CTNNA3: variants seen among roughly 807,000 people sequenced by gnomAD.
The protein encoded by CTNNA3 is catenin alpha-3.
In CTNNA3, 76 loss-of-function variants were observed where a neutral mutation model predicts 95.7. The ratio of observed to expected loss-of-function variants is 0.79; its 90% CI spans 0.66 to 0.96. The LOEUF is 0.96. CTNNA3 is among the 40% of genes least tolerant of loss of function. CTNNA3 has a pLI of 0.00. For missense variants in CTNNA3, 1,191 were observed against 1,089.8 expected (o/e 1.09, Z -1.31); for synonymous variants, 431 against 374.4 (o/e 1.15, Z -1.74).
At chr10:67,612,971 G>A (rs1238491732) in intron 2 of CTNNA3, among the ~76,000 whole-genome samples, 13 of 152,160 alleles carry the variant, frequency 8.5e-5, no homozygotes, top group Non-Finnish European at 1.3e-4. Context: ...CACTAGAGCC[G>A]TCTCTTGAAA....
Position 66,458,212 on chromosome 10 carries a change from C to G in CTNNA3, c.1531+62405G>C, listed in dbSNP as rs143678946. ...TATAATCACACAAACTGTAAACAAT[C>G]CAAATGTCTTTCAACAGGTGTATGA... On this transcript the variant is annotated intron_variant, in intron 11 of 17. Transcript: ENST00000433211. Among the ~76,000 whole-genome samples, 154 of 152,194 alleles carry G rather than the reference C, an allele frequency of 1.0e-3. 1 individual carries two copies. Among genetic ancestry groups the G allele is most frequent in the African/African-American group, 3.4e-3 (140 of 41,536 alleles).
intron 7 of CTNNA3, among the ~76,000 whole-genome samples, chr10:66,845,528 A>AC (rs1843213404): frequency 6.6e-6 from 1 of 151,190 alleles, no homozygotes; most frequent in Non-Finnish European, 1.5e-5. Context: ...ACATGGAGAA[A>AC]CCCCATCTCT....
chr10:66,581,123 C>T (rs891948049), intron 10 of CTNNA3, among the ~76,000 whole-genome samples: 1 of 151,726 alleles, frequency 6.6e-6, no homozygotes, highest in Admixed American at 6.6e-5. Flanking sequence ...ACATACATCA[C>T]ATTTTCTTTA....
At chr10:66,824,246 G>C (rs1202799929) in intron 7 of CTNNA3, among the ~76,000 whole-genome samples, 2 of 152,092 alleles carry the variant, frequency 1.3e-5, no homozygotes, top group Non-Finnish European at 2.9e-5. Flanking sequence ...TGTCATTCCA[G>C]TGCACTAATC....
intron 9 of CTNNA3, among the ~76,000 whole-genome samples, chr10:66,691,180 G>T (rs997645216): frequency 6.6e-6 from 1 of 152,204 alleles, no homozygotes; most frequent in African/African-American, 2.4e-5. Flanking sequence ...GGAAGCGCAA[G>T]GGGTCAGGGA....
intron 7 of CTNNA3, among the ~76,000 whole-genome samples, chr10:67,148,437 A>G (rs546964211): frequency 6.6e-5 from 10 of 152,282 alleles, no homozygotes; most frequent in African/African-American, 2.4e-4. Flanking sequence ...TCATCTAGGT[A>G]CCTCACATAA....
At chr10:66,460,218 C>G (rs187089634) in intron 11 of CTNNA3, among the ~76,000 whole-genome samples, 15 of 152,268 alleles carry the variant, frequency 9.9e-5, no homozygotes, top group African/African-American at 3.1e-4. Context: ...AGCCTTCACT[C>G]ACACTCTTCT....
rs1248827088 is a variant in CTNNA3 at position 66,845,710 on chromosome 10, A to ATAAATAAATAAATAAATAAAT, written c.1048-70187_1048-70186insATTTATTTATTTATTTATTTA. On this transcript the variant is annotated intron_variant, in intron 7 of 17. Transcript: ENST00000433211. ...AACAGCAAAACTCTGTCTCAAAAAA[A>ATAAATAAATAAATAAATAAAT]AAAAAAAAAAAAAAAAAAACTAAAA... Among the ~76,000 whole-genome samples the ATAAATAAATAAATAAATAAAT allele has an allele frequency of 2.0e-4, 17 of 85,970 alleles. 2 individuals carry two copies. Among genetic ancestry groups the ATAAATAAATAAATAAATAAAT allele is most frequent in the African/African-American group, 5.2e-4 (10 of 19,212 alleles). The allele number at this position is 85,970 out of a possible 152,430, so 56.4% of individuals were successfully genotyped here.
intron 15 of CTNNA3, among the ~76,000 whole-genome samples, chr10:66,054,874 T>A (rs774568982): frequency 6.6e-6 from 1 of 152,142 alleles, no homozygotes; most frequent in Non-Finnish European, 1.5e-5. Context: ...TAGCTTTAAG[T>A]CTTTAATTCA....
At chr10:66,129,485 G>A (rs1461541355) in intron 13 of CTNNA3, among the ~76,000 whole-genome samples, 1 of 152,026 alleles carries the variant, frequency 6.6e-6, no homozygotes, top group Non-Finnish European at 1.5e-5. Context: ...GCATGGCCAG[G>A]GACACCCATC....
chr10:67,509,270 C>T (rs572578154), intron 5 of CTNNA3, among the ~76,000 whole-genome samples: 133 of 151,620 alleles, frequency 8.8e-4, no homozygotes, highest in Admixed American at 2.4e-3. Flanking sequence ...TATACATGTG[C>T]CATGTTGGTT....
chr10:66,233,410 A>C (rs2089690201), intron 13 of CTNNA3, among the ~76,000 whole-genome samples: 2 of 152,114 alleles, frequency 1.3e-5, no homozygotes, highest in South Asian at 2.1e-4. Flanking sequence ...GTAGAAGAAG[A>C]TATTCACATT....
At chr10:67,015,099 C>T (rs1420642349) in intron 7 of CTNNA3, among the ~76,000 whole-genome samples, 1 of 152,086 alleles carries the variant, frequency 6.6e-6, no homozygotes, top group Non-Finnish European at 1.5e-5. Context: ...TCTATTTCAA[C>T]ATTAGGTAGT....
intron 11 of CTNNA3, among the ~76,000 whole-genome samples, chr10:66,495,763 CT>C (rs1840079028): frequency 6.6e-6 from 1 of 152,148 alleles, no homozygotes; most frequent in African/African-American, 2.4e-5. Context: ...TCAAGTGATT[CT>C]CCTGCCTCAG....
chr10:66,878,593 TG>T (rs1380251860), intron 7 of CTNNA3, among the ~76,000 whole-genome samples: 1 of 152,148 alleles, frequency 6.6e-6, no homozygotes, highest in Non-Finnish European at 1.5e-5. Context: ...GCCCTCTGCC[TG>T]TCCATAGCCA....
At chr10:65,982,150 A>C (rs920432678) in intron 16 of CTNNA3, among the ~76,000 whole-genome samples, 1 of 151,802 alleles carries the variant, frequency 6.6e-6, no homozygotes, top group Admixed American at 6.6e-5. Flanking sequence ...ACAAATCAGC[A>C]AGAAAAAAAA....
intron 1 of CTNNA3, among the ~76,000 whole-genome samples, chr10:67,724,793 C>A (rs889325869): frequency 1.3e-5 from 2 of 152,134 alleles, no homozygotes; most frequent in African/African-American, 2.4e-5. Flanking sequence ...GGTGCTGTGG[C>A]ATAAATTTGC....
intron 7 of CTNNA3, among the ~76,000 whole-genome samples, chr10:66,947,437 G>T (rs1385477388): frequency 6.6e-6 from 1 of 152,114 alleles, no homozygotes; most frequent in African/African-American, 2.4e-5. Context: ...TGGGGAAAGG[G>T]GAATGGTTCT....
chr10:66,848,231 G>C (rs1164466711), intron 7 of CTNNA3, among the ~76,000 whole-genome samples: 1 of 152,172 alleles, frequency 6.6e-6, no homozygotes, highest in African/African-American at 2.4e-5. Context: ...ATCATATATA[G>C]GCAAGATTTT....
Sources: gnomAD v4.1 joint callset for allele counts (sites outside exome capture counted in the v4.1 genomes callset) on GRCh38, gnomAD v4.1.1 for gene constraint, MANE v1.5 for transcripts, NCBI Gene and HGNC (gene_info 2026-07-23, HGNC 2026-07-21) for gene names.